Variants in PARP14 observed in about 807,000 individuals in gnomAD.
PARP14 encodes the protein protein mono-ADP-ribosyltransferase PARP14.
PARP14 carries 59 observed loss-of-function variants against 154.2 expected under a neutral mutation model. The observed-to-expected ratio is 0.38, with a 90% CI of 0.31 to 0.48. The LOEUF is 0.48. Ranked by LOEUF, PARP14 falls within the 20% of genes least tolerant of loss-of-function variation. The probability of loss-of-function intolerance (pLI) is 0.98; values close to 1 mark genes in which losing one functional copy is unlikely to be tolerated. For missense variants in PARP14, 1,734 were observed against 2,131.6 expected (o/e 0.81, Z 3.67); for synonymous variants, 720 against 780.5 (o/e 0.92, Z 1.29).
Position 122,699,747 on chromosome 3 carries a change from A to G in PARP14, c.1193A>G (p.Tyr398Cys), listed in dbSNP as rs757200171. The change falls in exon 6 of 17, where the codon TAT (tyrosine) becomes TGT (cysteine). Residue 398 changes from tyrosine to cysteine, a missense_variant. By Grantham distance (194) the Tyr-to-Cys change is radical. Around this residue, in one of 2 missense-constraint regions of PARP14, gnomAD observed 1,646 missense variants for 1,976.0 expected, o/e 0.83. Transcript: ENST00000474629. ...STTLSSIRSK[Y>C]KVNPIKVDPT... ...ACACTCTCTAGCATCAGGTCTAAAT[A>G]TAAAGTCAACCCAATTAAAGTGGAT... 6.2e-7 allele frequency: 1 copy of G among 1,613,878 alleles called. No individual in the cohort carries two copies. The highest frequency in any genetic ancestry group is 8.5e-7 in the Non-Finnish European group (1 of 1,179,852).
chr3:122,689,541 C>T (rs948776441), intron 3 of PARP14, among the ~76,000 whole-genome samples: 6 of 152,114 alleles, frequency 3.9e-5, no homozygotes, highest in South Asian at 2.1e-4. Context: ...ACTCCTGGCC[C>T]CAAATGACCC....
intron 15 of PARP14, 126 bp downstream of exon 15, chr3:122,720,514 T>C: frequency 1.2e-6 from 1 of 844,428 alleles, no homozygotes; most frequent in Non-Finnish European, 1.9e-6. Flanking sequence ...ATTTGTATGG[T>C]AATTAGTAGT....
intron 4 of PARP14, among the ~76,000 whole-genome samples, chr3:122,693,885 CAACTT>C: frequency 6.6e-6 from 1 of 150,878 alleles, no homozygotes. Flanking sequence ...AAGTGCTTAA[CAACTT>C]AACGTAGTAC....
At chr3:122,696,745 A>G (rs960231413) in intron 5 of PARP14, among the ~76,000 whole-genome samples, 5 of 152,092 alleles carry the variant, frequency 3.3e-5, no homozygotes, top group African/African-American at 1.2e-4. Context: ...GTTAAGTACT[A>G]TTTAATTAAG....
At chr3:122,703,003 AAAAAAAAC>A (rs1320381458) in intron 6 of PARP14, among the ~76,000 whole-genome samples, 3 of 132,886 alleles carry the variant, frequency 2.3e-5, no homozygotes, top group East Asian at 2.0e-4. Flanking sequence ...TAAAAAAAAA[AAAAAAAAC>A]AAAAAAAAAA....
chr3:122,707,690 T>C (rs1939203969), intron 8 of PARP14, among the ~76,000 whole-genome samples: 1 of 152,036 alleles, frequency 6.6e-6, no homozygotes, highest in South Asian at 2.1e-4. Flanking sequence ...CCCAGCTACT[T>C]GGGAGGCTGA....
Position 122,725,345 on chromosome 3 carries a change from G to T in PARP14, c.4942-2467G>T, listed in dbSNP as rs566332096. 9.9e-5 allele frequency among the ~76,000 whole-genome samples: 15 copies of T among 151,238 alleles called. No homozygotes were observed. In the South Asian group the frequency reaches 2.7e-3, roughly 28 times the overall value. ...CAGTTCCCAGATGGGGTGGCGGCCG[G>T]GCAGAGGTGCTCCCCACCTCCCAGA... On this transcript the variant is annotated intron_variant, in intron 15 of 16. Coordinates refer to ENST00000474629, the MANE Select transcript of PARP14 (RefSeq NM_017554.3).
intron 2 of PARP14, among the ~76,000 whole-genome samples, chr3:122,686,402 G>A (rs1938374244): frequency 6.6e-6 from 1 of 151,842 alleles, no homozygotes; most frequent in Non-Finnish European, 1.5e-5. Context: ...TGATCCACTT[G>A]CCTTGGCCTC....
intron 12 of PARP14, among the ~76,000 whole-genome samples, chr3:122,715,741 G>GT (rs1175528213): frequency 6.6e-6 from 1 of 151,794 alleles, no homozygotes; most frequent in Non-Finnish European, 1.5e-5. Flanking sequence ...GTCTCCATCT[G>GT]TTTTTTTCTC....
At chr3:122,707,605 T>C (rs943421008) in intron 8 of PARP14, among the ~76,000 whole-genome samples, 2 of 151,988 alleles carry the variant, frequency 1.3e-5, no homozygotes, top group African/African-American at 4.8e-5. Context: ...AGATCCTGTT[T>C]CTACAAAAAA....
intron 1 of PARP14, among the ~76,000 whole-genome samples, chr3:122,684,584 T>C (rs1214846098): frequency 6.6e-6 from 1 of 152,228 alleles, no homozygotes; most frequent in African/African-American, 2.4e-5. Context: ...CCAAGCTGCC[T>C]GATATGCTAA....
In PARP14 at chr3:122,701,008, G is replaced by A. The variant is rs1274073673; in HGVS notation, c.2454G>A (p.Val818=). The change falls in exon 6 of 17, where the codon GTG becomes GTA. Residue 818 remains valine (V), a synonymous_variant. Transcript: ENST00000474629. This position sits in a 1 kb window ranked among gnomAD's most constrained non-coding sequence, Gnocchi z 4.0. The stretch of plus-strand genomic sequence containing the variant: ...ACTTGGCACGGCTTCCTGTCGATGT[G>A]GTGGTGAATGCATCTAATGAGGACC... ...QGDLARLPVD[V]VVNASNEDLK... The A allele has an allele frequency of 1.2e-6, 2 of 1,613,980 alleles. No homozygotes were observed. Among genetic ancestry groups the A allele is most frequent in the Non-Finnish European group, 1.7e-6 (2 of 1,179,860 alleles).
rs1252022860 is a variant in PARP14 at position 122,692,284 on chromosome 3, T to G, written c.356-17T>G. On this transcript the variant is annotated splice_polypyrimidine_tract_variant and intron_variant, in intron 3 of 16. Coordinates refer to ENST00000474629, the MANE Select transcript of PARP14 (RefSeq NM_017554.3). Reference sequence around the variant, plus strand: ...TAAGTATAACATCTTGTACCTCTTTTGTCTTCCTAAAATCAGATGTGTCAG... The same window carrying G: ...TAAGTATAACATCTTGTACCTCTTTGGTCTTCCTAAAATCAGATGTGTCAG... 1.2e-6 allele frequency: 2 copies of G among 1,604,068 alleles called. No homozygotes were observed. The highest frequency in any genetic ancestry group is 1.7e-5 in the Admixed American group (1 of 59,688).
chr3:122,715,627 T>G (rs180987503), intron 12 of PARP14, among the ~76,000 whole-genome samples: 1 of 149,004 alleles, frequency 6.7e-6, no homozygotes, highest in African/African-American at 2.4e-5. Context: ...TCTATCTATC[T>G]ATCTATCTAT....
chr3:122,722,041 C>T (rs1933177521), intron 15 of PARP14: 1 of 152,180 alleles, frequency 6.6e-6, no homozygotes, highest in Non-Finnish European at 1.5e-5. Flanking sequence ...AGTAAACATT[C>T]AGGTACAAGA....
At chr3:122,714,008 A>G (rs1932923884) in intron 11 of PARP14, 74 bp downstream of exon 11, 1 of 1,083,376 alleles carries the variant, frequency 9.2e-7, no homozygotes, top group Non-Finnish European at 1.4e-6. Flanking sequence ...GAAAAGTCTT[A>G]GGGTTGGGGA....
In PARP14 at chr3:122,728,723, G is replaced by A. The variant is rs1041627994; in HGVS notation, c.*126G>A. ...TAATATCCAAGGATCATTCTTTGTC[G>A]CTGAAGTCAGTCTTTCTTCAGCTTC... On this transcript the variant is annotated 3_prime_UTR_variant, in exon 17 of 17. Coordinates refer to ENST00000474629, the MANE Select transcript of PARP14 (RefSeq NM_017554.3). 26 of 716,612 alleles carry A rather than the reference G, an allele frequency of 3.6e-5. 1 individual carries two copies. The highest frequency in any genetic ancestry group is 1.9e-4 in the South Asian group (10 of 53,330). The allele number at this position is 716,612 out of a possible 1,614,324, so 44.4% of individuals were successfully genotyped here. A position where few individuals can be genotyped will look rare whatever the true frequency, so the allele number is the denominator to read the frequency against.
At position 122,701,695 on chromosome 3, in the gene PARP14, C is replaced by G. The variant is rs938124138; in HGVS notation, c.3081+60C>G. ...CTGTGACTTTACTTAGTCAGTGGCT[C>G]TCTCATGGAGGGCTGAAGAAAGATA... On this transcript the variant is annotated intron_variant, in intron 6 of 16. Transcript: ENST00000474629. This position sits in a 1 kb window ranked among gnomAD's most constrained non-coding sequence, Gnocchi z 4.0. The G allele has an allele frequency of 5.7e-6, 7 of 1,237,094 alleles. No homozygotes were observed. The highest frequency in any genetic ancestry group is 7.8e-6 in the Non-Finnish European group (7 of 894,674). 76.6% of individuals were successfully genotyped at this position (1,237,094 alleles called of 1,614,324 possible).
intron 3 of PARP14, among the ~76,000 whole-genome samples, chr3:122,689,086 A>G (rs1438070909): frequency 6.6e-6 from 1 of 152,100 alleles, no homozygotes; most frequent in African/African-American, 2.4e-5. Context: ...GTGTTTTCAA[A>G]TCCATATCCC....
Sources: gnomAD v4.1 joint callset for allele counts (sites outside exome capture counted in the v4.1 genomes callset) on GRCh38, gnomAD v4.1.1 for gene constraint, gnomAD v4.1.1 regional missense constraint, Gnocchi (gnomAD v3.1) non-coding constraint, MANE v1.5 for transcripts, NCBI Gene and HGNC (gene_info 2026-07-23, HGNC 2026-07-21) for gene names.